STK32C: variants seen among roughly 807,000 people sequenced by gnomAD.
The protein encoded by STK32C is serine/threonine-protein kinase 32C.
Under a neutral mutation model 56.5 loss-of-function variants are expected in STK32C, and 31 were observed. The ratio of observed to expected loss-of-function variants is 0.55; its 90% CI spans 0.41 to 0.74. The LOEUF is 0.74. STK32C is among the 30% of genes least tolerant of loss of function. The pLI, the probability that STK32C is intolerant of heterozygous loss-of-function variation, is 0.00. For synonymous variants in STK32C, 309 were observed against 289.4 expected, an observed-to-expected ratio of 1.07 and a Z score of -0.69; for missense variants, 544 against 676.9, an observed-to-expected ratio of 0.80 and a Z score of 2.18.
chr10:132,284,293 GGGGGC>G (rs2065309406), intron 1 of STK32C, among the ~76,000 whole-genome samples: 1 of 112,564 alleles, frequency 8.9e-6, no homozygotes, highest in Non-Finnish European at 1.9e-5. Context: ...TGAGGTTGGG[GGGGGC>G]AGGTGAGGTT....
At chr10:132,246,088 C>G in intron 1 of STK32C, 133 bp from the exon 2 acceptor site, 1 of 882,814 alleles carries the variant, frequency 1.1e-6, no homozygotes, top group Non-Finnish European at 1.8e-6. Context: ...CGCCGTGGGG[C>G]GGGCCAAACT....
At position 132,226,968 on chromosome 10, in the gene STK32C, C is replaced by T; in HGVS notation, c.471G>A (p.Trp157Ter). 4 of 1,613,080 alleles carry T rather than the reference C, an allele frequency of 2.5e-6. No individual in the cohort carries two copies. The highest frequency in any genetic ancestry group is 3.4e-6 in the Non-Finnish European group (4 of 1,179,962). ...TGTCCTCCTCGTCCTGGAAGGAGTACCTGTGGGCACCGATGGAAGGCCTGT... is the reference window on the plus strand; with the variant it reads ...TGTCCTCCTCGTCCTGGAAGGAGTATCTGTGGGCACCGATGGAAGGCCTGT... ...EIEHVFLVNL[W>*]YSFQDEEDMF... Residue 157 changes from tryptophan (W) to a stop codon, truncating the protein, a stop_gained and splice_region_variant, in exon 4 of 12, where the codon TGG becomes TGA. Coordinates refer to ENST00000298630, the MANE Select transcript of STK32C (RefSeq NM_173575.4). LOFTEE classifies it high-confidence loss of function.
At chr10:132,320,811 T>C (rs1012602780), downstream of STK32C, among the ~76,000 whole-genome samples, 8 of 152,204 alleles carry the variant, frequency 5.3e-5, no homozygotes, top group Non-Finnish European at 8.8e-5. Context: ...TATTTGGAAA[T>C]AGGGCTCCCT....
At chr10:132,330,945 G>GT (rs760199643) in intron 1 of STK32C, among the ~76,000 whole-genome samples, 28 of 151,074 alleles carry the variant, frequency 1.9e-4, no homozygotes, top group Non-Finnish European at 3.7e-4. Flanking sequence ...GCTCATGCCT[G>GT]TAATCCCAGC....
rs2063488209 is a variant in STK32C at position 132,241,207 on chromosome 10, A to G, written c.318+4693T>C. ...GGCTGGGTGCAAGAGCCACACGCCC[A>G]GCCCACCCAACTCCTCCAGCCAGAA... On this transcript the variant is annotated intron_variant, in intron 2 of 11. Coordinates refer to ENST00000298630, the MANE Select transcript of STK32C (RefSeq NM_173575.4). 2.6e-5 allele frequency among the ~76,000 whole-genome samples: 4 copies of G among 152,188 alleles called. No homozygotes were observed. In the South Asian group the frequency reaches 8.3e-4, roughly 32 times the overall value.
At chr10:132,289,285 C>G (rs2065498745) in intron 1 of STK32C, among the ~76,000 whole-genome samples, 1 of 152,124 alleles carries the variant, frequency 6.6e-6, no homozygotes, top group African/African-American at 2.4e-5. Context: ...TATCTTAGAC[C>G]TAAACTTGAC....
At chr10:132,286,930 G>A (rs1053615193) in intron 1 of STK32C, among the ~76,000 whole-genome samples, 8 of 152,200 alleles carry the variant, frequency 5.3e-5, no homozygotes, top group African/African-American at 1.2e-4. Flanking sequence ...AGAAAGCAGC[G>A]AAATTGTCTT....
At chr10:132,281,436 AC>A (rs1196110391) in intron 1 of STK32C, among the ~76,000 whole-genome samples, 1 of 151,932 alleles carries the variant, frequency 6.6e-6, no homozygotes, top group Non-Finnish European at 1.5e-5. Context: ...TTCCTAACGT[AC>A]CTTACCGGGC....
chr10:132,252,471 C>T (rs777570234), intron 1 of STK32C, among the ~76,000 whole-genome samples: 7 of 152,268 alleles, frequency 4.6e-5, no homozygotes, highest in East Asian at 1.9e-4. Context: ...ATGCTGTCAG[C>T]GCATCCTTCA....
chr10:132,266,615 G>A (rs2064539446), intron 1 of STK32C, among the ~76,000 whole-genome samples: 2 of 152,220 alleles, frequency 1.3e-5, no homozygotes, highest in Non-Finnish European at 2.9e-5. Flanking sequence ...GCCTGCCCAC[G>A]CCAAGGAGCC....
At chr10:132,313,257 C>T (rs1007305199) in intron 1 of STK32C, among the ~76,000 whole-genome samples, 5 of 152,174 alleles carry the variant, frequency 3.3e-5, no homozygotes, top group African/African-American at 9.7e-5. Flanking sequence ...TGCCGAGTGA[C>T]GGTTAAGTCA....
chr10:132,226,409 T>C (rs529393785), intron 4 of STK32C, among the ~76,000 whole-genome samples: 1 of 152,242 alleles, frequency 6.6e-6, no homozygotes, highest in African/African-American at 2.4e-5. Context: ...TAATTTCATC[T>C]GCTTTAAGCT....
chr10:132,212,076 C>T (rs1470183092), intron 10 of STK32C, among the ~76,000 whole-genome samples: 1 of 152,092 alleles, frequency 6.6e-6, no homozygotes, highest in Non-Finnish European at 1.5e-5. Flanking sequence ...CACAAACCTG[C>T]TTGGCAGCTC....
chr10:132,292,479 A>C (rs555154685), intron 1 of STK32C, among the ~76,000 whole-genome samples: 1 of 152,372 alleles, frequency 6.6e-6, no homozygotes, highest in South Asian at 2.1e-4. Flanking sequence ...CAATTCATGC[A>C]TGCACACACA....
At chr10:132,288,441 G>A (rs1484876305) in intron 1 of STK32C, among the ~76,000 whole-genome samples, 1 of 152,234 alleles carries the variant, frequency 6.6e-6, no homozygotes, top group African/African-American at 2.4e-5. Context: ...ATTGGCTCCT[G>A]TGAGCCAGTG....
intron 2 of STK32C, among the ~76,000 whole-genome samples, chr10:132,229,923 T>C (rs1182620784): frequency 1.3e-5 from 2 of 152,184 alleles, no homozygotes; most frequent in African/African-American, 4.8e-5. Context: ...AAGTATGGCC[T>C]CTCCAGGAAG....
chr10:132,272,222 TCA>T (rs1452857864), intron 1 of STK32C, among the ~76,000 whole-genome samples: 1 of 152,174 alleles, frequency 6.6e-6, no homozygotes, highest in African/African-American at 2.4e-5. Flanking sequence ...GACCGTGTCC[TCA>T]CAGAAAAGAT....
Position 132,225,286 on chromosome 10 carries a change from C to T in STK32C, c.823G>A (p.Glu275Lys), listed in dbSNP as rs1412818538. 6.2e-7 allele frequency: 1 copy of T among 1,608,770 alleles called. No individual in the cohort carries two copies. The highest frequency in any genetic ancestry group is 1.7e-5 in the Admixed American group (1 of 59,738). The change falls in exon 7 of 12, where the codon GAG (glutamate) becomes AAG (lysine). Residue 275 changes from glutamate (E) to lysine (K), a missense_variant. By Grantham distance (56) the Glu-to-Lys change is moderately conservative (BLOSUM62 1). Transcript: ENST00000298630. Reference sequence around the variant, plus strand: ...ACCCCCACCGACCACCAGTCCACCTCGAAGGAGTAGCCGGTCCCGCCGTTG... The same window carrying T: ...ACCCCCACCGACCACCAGTCCACCTTGAAGGAGTAGCCGGTCCCGCCGTTG... ...FVNGGTGYSF[E>K]VDWWSVGVMA...
intron 1 of STK32C, among the ~76,000 whole-genome samples, chr10:132,314,876 C>A (rs982080161): frequency 2.6e-5 from 4 of 152,130 alleles, no homozygotes; most frequent in African/African-American, 9.7e-5. Context: ...GTGGCTCATG[C>A]CTGTAATCCC....
Sources: gnomAD v4.1 joint callset for allele counts (sites outside exome capture counted in the v4.1 genomes callset) on GRCh38, gnomAD v4.1.1 for gene constraint, MANE v1.5 for transcripts, NCBI Gene and HGNC (gene_info 2026-07-23, HGNC 2026-07-21) for gene names.